Variants in NTM observed in about 807,000 individuals in gnomAD.
NTM encodes IgLON family member 2.
A neutral mutation model predicts 42.1 loss-of-function variants in NTM; 13 were observed. The observed-to-expected ratio is 0.31, with a 90% CI of 0.20 to 0.49. The LOEUF is 0.49. Among genes scored for constraint, NTM ranks in the 20% least tolerant of loss-of-function variants. NTM has a pLI of 0.99. For missense variants in NTM, 373 were observed against 452.8 expected, an observed-to-expected ratio of 0.82 and a Z score of 1.60; for synonymous variants, 187 against 179.2, an observed-to-expected ratio of 1.04 and a Z score of -0.35.
At chr11:131,684,201 G>A (rs559406864) in intron 1 of NTM, among the ~76,000 whole-genome samples, 30 of 152,280 alleles carry the variant, frequency 2.0e-4, no homozygotes, top group African/African-American at 7.2e-4. Flanking sequence ...CCCGGGGAGA[G>A]CAACGTGGGG....
intron 8 of NTM, among the ~76,000 whole-genome samples, chr11:132,334,683 A>G (rs2095855779): frequency 6.6e-6 from 1 of 152,170 alleles, no homozygotes; most frequent in Non-Finnish European, 1.5e-5. Context: ...CACTCAGCAC[A>G]GTAGTCTGAC....
intron 1 of NTM, among the ~76,000 whole-genome samples, chr11:131,411,536 G>A: frequency 7.1e-6 from 1 of 140,258 alleles, no homozygotes; most frequent in African/African-American, 2.8e-5. Context: ...TATTTAGGGG[G>A]GGCCGTGTGT....
chr11:132,273,309 GTT>G (rs57877862), intron 4 of NTM, among the ~76,000 whole-genome samples: 415 of 55,616 alleles, frequency 7.5e-3, no homozygotes, highest in East Asian at 0.02. Flanking sequence ...GTTGACTAGT[GTT>G]TTTTTTTTTT....
Position 131,643,815 on chromosome 11 carries a change from T to C in NTM, c.83-267749T>C, listed in dbSNP as rs1333454705. 3.3e-5 allele frequency among the ~76,000 whole-genome samples: 5 copies of C among 152,146 alleles called. 1 individual carries two copies. The highest frequency in any genetic ancestry group is 4.1e-4 in the South Asian group (2 of 4,826). Reference sequence around the variant, plus strand: ...ATACAGGGCCAGGCTGAGAGTTCACTTGGACAAACTCAGTACTGTGAGAGA... The same window carrying C: ...ATACAGGGCCAGGCTGAGAGTTCACCTGGACAAACTCAGTACTGTGAGAGA... On this transcript the variant is annotated intron_variant, in intron 1 of 8. Coordinates refer to ENST00000683400, the MANE Select transcript of NTM (RefSeq NM_001352005.2).
chr11:131,931,286 A>G (rs1321016124), intron 2 of NTM, among the ~76,000 whole-genome samples: 2 of 151,856 alleles, frequency 1.3e-5, no homozygotes, highest in Admixed American at 6.6e-5. Flanking sequence ...ACAAAATACA[A>G]AAATTAGCTG....
intron 1 of NTM, among the ~76,000 whole-genome samples, chr11:131,642,630 C>A (rs2065273159): frequency 6.6e-6 from 1 of 152,164 alleles, no homozygotes; most frequent in Non-Finnish European, 1.5e-5. Flanking sequence ...CCTGTCCAGA[C>A]ACCCAAGCTA....
intron 3 of NTM, among the ~76,000 whole-genome samples, chr11:132,204,915 C>A (rs995236938): frequency 2.6e-5 from 4 of 152,198 alleles, no homozygotes; most frequent in Non-Finnish European, 4.4e-5. Context: ...AAAACCAACA[C>A]CTGCTTGGTT....
At chr11:131,976,116 A>ATTCCTTCCCTCC (rs2064310228) in intron 2 of NTM, among the ~76,000 whole-genome samples, 1 of 123,770 alleles carries the variant, frequency 8.1e-6, no homozygotes, top group Non-Finnish European at 1.7e-5. Context: ...TCCCTCCCTC[A>ATTCCTTCCCTCC]TTCCTTCCTT....
chr11:131,662,006 G>C (rs1296382644), intron 1 of NTM: 3 of 152,144 alleles, frequency 2.0e-5, no homozygotes, highest in Non-Finnish European at 2.9e-5. Flanking sequence ...ACAGAAAGGG[G>C]AAAAAGACAA....
intron 1 of NTM, among the ~76,000 whole-genome samples, chr11:131,600,930 G>T (rs2137417969): frequency 6.6e-6 from 1 of 152,224 alleles, no homozygotes. Flanking sequence ...AATTGAGTCA[G>T]GATCAGGGAT....
chr11:131,511,373 C>G (rs12224592), intron 1 of NTM, among the ~76,000 whole-genome samples: 12,026 of 152,282 alleles, frequency 0.079, 523 homozygotes, highest in Middle Eastern at 0.15. Flanking sequence ...GAATCAAAGT[C>G]TGACTGCCAG....
intron 1 of NTM, among the ~76,000 whole-genome samples, chr11:131,491,972 G>A (rs141222380): frequency 6.6e-5 from 10 of 152,276 alleles, no homozygotes; most frequent in African/African-American, 2.4e-4. Flanking sequence ...TAACGCATAT[G>A]ATCTGCCTAA....
chr11:131,581,811 C>T (rs1347454954), intron 1 of NTM, among the ~76,000 whole-genome samples: 1 of 152,146 alleles, frequency 6.6e-6, no homozygotes, highest in Non-Finnish European at 1.5e-5. Context: ...ACTTATGAAA[C>T]CCAGCACTTG....
intron 1 of NTM, among the ~76,000 whole-genome samples, chr11:131,422,942 C>T (rs1191772306): frequency 6.6e-6 from 1 of 152,158 alleles, no homozygotes; most frequent in Non-Finnish European, 1.5e-5. Flanking sequence ...AGTCTGCAAA[C>T]AGAAAATAAT....
intron 1 of NTM, among the ~76,000 whole-genome samples, chr11:131,689,255 C>G (rs1270770272): frequency 1.3e-5 from 2 of 152,166 alleles, no homozygotes. Context: ...GGCAGGAACA[C>G]AGGTGGCCCG....
At chr11:132,063,447 C>T (rs1015055) in intron 2 of NTM, among the ~76,000 whole-genome samples, 80,865 of 151,848 alleles carry the variant, frequency 0.53, 22,329 homozygotes, top group African/African-American at 0.64. Context: ...GTGACTTCTC[C>T]GTCTATTAAT....
intron 1 of NTM, among the ~76,000 whole-genome samples, chr11:131,711,530 G>T (rs1449492128): frequency 6.6e-6 from 1 of 152,210 alleles, no homozygotes; most frequent in Non-Finnish European, 1.5e-5. Context: ...TACACTGTTG[G>T]TGGGATCGTA....
At position 132,132,579 on chromosome 11, in the gene NTM, C is replaced by T. The variant is rs531283822; in HGVS notation, c.168-13703C>T. Among the ~76,000 whole-genome samples, 10 of 152,212 alleles carry T rather than the reference C, an allele frequency of 6.6e-5. No homozygotes were observed. The South Asian group carries it at 1.5e-3, about 22-fold the overall frequency. ...AGGGAAGGGAGGGAACGATAGCATCCGCACTCAGAAGGTTTGTAAACATTA... is the reference window on the plus strand; with the variant it reads ...AGGGAAGGGAGGGAACGATAGCATCTGCACTCAGAAGGTTTGTAAACATTA... On this transcript the variant is annotated intron_variant, in intron 2 of 8. Coordinates refer to ENST00000683400, the MANE Select transcript of NTM (RefSeq NM_001352005.2).
chr11:132,222,714 A>T lies in NTM; in HGVS notation c.526+10567A>T, dbSNP rs564345262. On this transcript the variant is annotated intron_variant, in intron 4 of 8. Coordinates refer to ENST00000683400, the MANE Select transcript of NTM (RefSeq NM_001352005.2). Reference sequence around the variant, plus strand: ...CCCTGGGAGGCTCATCTTGCCCCTTATTCTACCCAACAGTGGTGGGTTCTT... The same window carrying T: ...CCCTGGGAGGCTCATCTTGCCCCTTTTTCTACCCAACAGTGGTGGGTTCTT... Among the ~76,000 whole-genome samples the T allele has an allele frequency of 9.2e-5, 14 of 152,172 alleles. No individual in the cohort carries two copies. The South Asian group carries it at 1.7e-3, about 18-fold the overall frequency.
Sources: gnomAD v4.1 joint callset for allele counts (sites outside exome capture counted in the v4.1 genomes callset) on GRCh38, gnomAD v4.1.1 for gene constraint, MANE v1.5 for transcripts, NCBI Gene and HGNC (gene_info 2026-07-23, HGNC 2026-07-21) for gene names.